Variants in ZMAT4 observed in about 807,000 individuals in gnomAD.
The protein encoded by ZMAT4 is zinc finger matrin-type 4.
A neutral mutation model predicts 28.7 loss-of-function variants in ZMAT4; 17 were observed. That is an observed-to-expected ratio of 0.59 (90% CI 0.41 to 0.89). The LOEUF is 0.89. ZMAT4 is among the 40% of genes least tolerant of loss of function. The pLI, the probability that ZMAT4 is intolerant of heterozygous loss-of-function variation, is 0.00. For synonymous variants in ZMAT4, 117 were observed against 109.2 expected (o/e 1.07, Z -0.44); for missense variants, 240 against 283.8 (o/e 0.85, Z 1.11).
chr8:40,686,577 G>C (rs555183667), intron 4 of ZMAT4, among the ~76,000 whole-genome samples: 1 of 152,074 alleles, frequency 6.6e-6, no homozygotes, highest in Non-Finnish European at 1.5e-5. Context: ...GCAGTGAGCC[G>C]TGGTTGTGCC....
At chr8:40,594,133 C>T (rs1344300218) in intron 5 of ZMAT4, among the ~76,000 whole-genome samples, 1 of 152,194 alleles carries the variant, frequency 6.6e-6, no homozygotes, top group East Asian at 1.9e-4. Context: ...CCTCCGCCAG[C>T]CTGACACTGA....
intron 3 of ZMAT4, among the ~76,000 whole-genome samples, chr8:40,707,173 A>T (rs1810393157): frequency 6.6e-6 from 1 of 151,994 alleles, no homozygotes; most frequent in African/African-American, 2.4e-5. Flanking sequence ...CCACAAAGAC[A>T]GCTGATGCTT....
intron 2 of ZMAT4, among the ~76,000 whole-genome samples, chr8:40,801,364 A>ATG (rs1319860762): frequency 9.0e-5 from 13 of 145,118 alleles, no homozygotes; most frequent in East Asian, 3.9e-4. Flanking sequence ...ATATATATAT[A>ATG]TATATATACA....
At chr8:40,796,486 C>T (rs778469986) in intron 2 of ZMAT4, among the ~76,000 whole-genome samples, 15 of 152,096 alleles carry the variant, frequency 9.9e-5, no homozygotes, top group South Asian at 2.1e-4. Flanking sequence ...GTCAGCAACT[C>T]GCCAAGTGGC....
intron 1 of ZMAT4, among the ~76,000 whole-genome samples, chr8:40,881,483 G>GAAA (rs1421244696): frequency 1.5e-5 from 2 of 136,270 alleles, no homozygotes; most frequent in African/African-American, 2.8e-5. Flanking sequence ...AAGAAAGAAA[G>GAAA]AAAGAAAGAA....
chr8:40,804,949 CA>C lies in ZMAT4; in HGVS notation c.102+20625del, dbSNP rs1193989947. On this transcript the variant is annotated intron_variant, in intron 2 of 6. Transcript: ENST00000297737. ...TAAACCAATATTTCTCAAGTGTAAG[CA>C]AAAAAAAAAAATTCTAGAGCTTCTG... 4.0e-3 allele frequency among the ~76,000 whole-genome samples: 562 copies of C among 141,256 alleles called. 2 individuals carry two copies. Among genetic ancestry groups the C allele is most frequent in the African/African-American group, 0.011 (438 of 38,766 alleles). 92.7% of individuals were successfully genotyped at this position (141,256 alleles called of 152,430 possible).
At chr8:40,609,056 G>A (rs530626532) in intron 5 of ZMAT4, among the ~76,000 whole-genome samples, 59 of 152,294 alleles carry the variant, frequency 3.9e-4, no homozygotes, top group African/African-American at 1.1e-3. Flanking sequence ...TTGTCTGTCC[G>A]AGTGGGAGCT....
At chr8:40,564,382 C>T (rs1167558306) in intron 6 of ZMAT4, among the ~76,000 whole-genome samples, 2 of 152,160 alleles carry the variant, frequency 1.3e-5, no homozygotes, top group East Asian at 3.9e-4. Flanking sequence ...CTGATGCCAG[C>T]TTCCTCTTTC....
At chr8:40,559,814 C>G (rs922009269) in intron 6 of ZMAT4, among the ~76,000 whole-genome samples, 1 of 151,990 alleles carries the variant, frequency 6.6e-6, no homozygotes, top group Admixed American at 6.6e-5. Context: ...TATACACAAC[C>G]ACATAAGTAC....
chr8:40,602,478 A>G (rs576886786), intron 5 of ZMAT4, among the ~76,000 whole-genome samples: 11 of 152,318 alleles, frequency 7.2e-5, no homozygotes, highest in Non-Finnish European at 1.3e-4. Flanking sequence ...ATTAGTTTAC[A>G]TTCACACCAA....
chr8:40,739,567 G>A (rs1423418799), intron 3 of ZMAT4, among the ~76,000 whole-genome samples: 1 of 152,162 alleles, frequency 6.6e-6, no homozygotes, highest in Non-Finnish European at 1.5e-5. Context: ...AGGAAGAAAA[G>A]AGCTGACATA....
intron 1 of ZMAT4, among the ~76,000 whole-genome samples, chr8:40,828,724 G>A (rs1164306136): frequency 1.3e-5 from 2 of 152,110 alleles, no homozygotes; most frequent in Non-Finnish European, 1.5e-5. Context: ...CCAGTGGGAG[G>A]CAATTAGTGG....
At position 40,676,337 on chromosome 8, in the gene ZMAT4, A is replaced by G. The variant is rs16889843; in HGVS notation, c.350-1406T>C. On this transcript the variant is annotated intron_variant, in intron 4 of 6. Coordinates refer to ENST00000297737, the MANE Select transcript of ZMAT4 (RefSeq NM_024645.3). ...TAGGATTTCATTAAATTTTGGAAAA[A>G]ATATTCCGATCCAAATATTTTGGAG... Among the ~76,000 whole-genome samples, 761 of 152,308 alleles carry G rather than the reference A, an allele frequency of 5.0e-3. 6 individuals are homozygous for G. Among genetic ancestry groups the G allele is most frequent in the African/African-American group, 0.017 (721 of 41,574 alleles).
chr8:40,775,615 C>T (rs1379181364), intron 2 of ZMAT4, among the ~76,000 whole-genome samples: 3 of 152,222 alleles, frequency 2.0e-5, no homozygotes, highest in South Asian at 2.1e-4. Context: ...AACTCCTCTA[C>T]TGTTTCCAAG....
intron 3 of ZMAT4, among the ~76,000 whole-genome samples, chr8:40,729,113 A>T (rs563706283): frequency 6.6e-6 from 1 of 152,292 alleles, no homozygotes; most frequent in East Asian, 1.9e-4. Context: ...AAACAGTTTG[A>T]CCTAAAAGCG....
intron 1 of ZMAT4, among the ~76,000 whole-genome samples, chr8:40,849,715 A>G (rs1817033602): frequency 6.6e-6 from 1 of 152,106 alleles, no homozygotes; most frequent in Non-Finnish European, 1.5e-5. Flanking sequence ...ATCTTTTATT[A>G]TGTGCGTGTG....
intron 6 of ZMAT4, 110 bp from the exon 7 acceptor site, chr8:40,532,348 C>T (rs752544669): frequency 8.1e-5 from 69 of 850,058 alleles, no homozygotes; most frequent in Non-Finnish European, 1.1e-4. Flanking sequence ...ATTACCTTAA[C>T]CATCAAATTC....
chr8:40,853,684 A>T (rs186910982), intron 1 of ZMAT4, among the ~76,000 whole-genome samples: 1 of 152,136 alleles, frequency 6.6e-6, no homozygotes, highest in East Asian at 1.9e-4. Flanking sequence ...ACTGATTTTC[A>T]GTGATTTGGT....
chr8:40,532,367 C>T (rs1802717671), intron 6 of ZMAT4, 129 bp from the exon 7 acceptor site: 7 of 656,260 alleles, frequency 1.1e-5, no homozygotes, highest in Non-Finnish European at 1.4e-5. Context: ...TCAAATGCAT[C>T]TGAATTTGTA....
Sources: gnomAD v4.1 joint callset for allele counts (sites outside exome capture counted in the v4.1 genomes callset) on GRCh38, gnomAD v4.1.1 for gene constraint, MANE v1.5 for transcripts, NCBI Gene and HGNC (gene_info 2026-07-23, HGNC 2026-07-21) for gene names.